MAPRE2: variants seen among roughly 807,000 people sequenced by gnomAD.
MAPRE2 encodes microtubule-associated protein RP/EB family member 2.
MAPRE2 carries 13 observed loss-of-function variants against 43.2 expected under a neutral mutation model. That is an observed-to-expected ratio of 0.30 (90% CI 0.20 to 0.48). The LOEUF (loss-of-function observed/expected upper bound fraction) is 0.48. Ranked by LOEUF, MAPRE2 falls within the 20% of genes least tolerant of loss-of-function variation. The probability of loss-of-function intolerance (pLI) is 0.99; values close to 1 mark genes in which losing one functional copy is unlikely to be tolerated. For synonymous variants in MAPRE2, 135 were observed against 148.8 expected, an observed-to-expected ratio of 0.91 and a Z score of 0.68; for missense variants, 161 against 400.2, an observed-to-expected ratio of 0.40 and a Z score of 5.10.
At chr18:34,985,339 ATATAT>A (rs1278262754) in intron 1 of MAPRE2, among the ~76,000 whole-genome samples, 1 of 45,174 alleles carries the variant, frequency 2.2e-5, no homozygotes, top group South Asian at 6.6e-4. Flanking sequence ...ATAATATATA[ATATAT>A]TATATTATAT....
At chr18:35,134,129 T>C (rs562378639) in intron 6 of MAPRE2, among the ~76,000 whole-genome samples, 1 of 152,222 alleles carries the variant, frequency 6.6e-6, no homozygotes, top group Non-Finnish European at 1.5e-5. Context: ...GCTTATTAGC[T>C]CCTATAATTC....
chr18:35,101,912 G>A (rs763229694), intron 3 of MAPRE2, 34 bp from the exon 4 acceptor site: 2 of 1,498,982 alleles, frequency 1.3e-6, no homozygotes, highest in Admixed American at 3.9e-5. Context: ...CCAAACGTGA[G>A]GTTTGTAACT....
At chr18:35,014,386 A>ATTTT (rs368732245) in intron 2 of MAPRE2, among the ~76,000 whole-genome samples, 19 of 139,696 alleles carry the variant, frequency 1.4e-4, no homozygotes, top group African/African-American at 4.5e-4. Context: ...GGGCAGGGTG[A>ATTTT]TTTTTTTTTT....
chr18:35,129,755 A>G (rs149783974), intron 5 of MAPRE2, among the ~76,000 whole-genome samples: 2,068 of 152,324 alleles, frequency 0.014, 25 homozygotes, highest in Non-Finnish European at 0.021. Flanking sequence ...CCTGCAGTCT[A>G]TGGCCACACT....
chr18:34,994,379 T>C (rs993069011), intron 1 of MAPRE2, among the ~76,000 whole-genome samples: 1 of 150,702 alleles, frequency 6.6e-6, no homozygotes, highest in Non-Finnish European at 1.5e-5. Flanking sequence ...AATAGTTTTG[T>C]TTTTTGGCTT....
At chr18:35,085,228 C>T (rs1907818274) in intron 2 of MAPRE2, among the ~76,000 whole-genome samples, 1 of 152,210 alleles carries the variant, frequency 6.6e-6, no homozygotes, top group Non-Finnish European at 1.5e-5. Context: ...TTTGCAGCCT[C>T]ACTTTCCTCT....
At chr18:34,979,814 T>C (rs1005734210) in intron 1 of MAPRE2, among the ~76,000 whole-genome samples, 7 of 152,134 alleles carry the variant, frequency 4.6e-5, no homozygotes, top group South Asian at 2.1e-4. Flanking sequence ...AAAACTGTCA[T>C]CCCAAAAGGA....
At chr18:35,093,005 A>G (rs575395435) in intron 2 of MAPRE2, among the ~76,000 whole-genome samples, 18 of 152,230 alleles carry the variant, frequency 1.2e-4, no homozygotes, top group African/African-American at 4.1e-4. Context: ...TGAGGTCGGT[A>G]GTTCAAGACC....
intron 2 of MAPRE2, among the ~76,000 whole-genome samples, chr18:35,020,069 T>C (rs2097040960): frequency 6.6e-6 from 1 of 152,122 alleles, no homozygotes; most frequent in Admixed American, 6.6e-5. Flanking sequence ...CAGCACCCCT[T>C]ACCTCAAATA....
At chr18:35,007,465 G>GC (rs2097032371) in intron 2 of MAPRE2, among the ~76,000 whole-genome samples, 1 of 152,156 alleles carries the variant, frequency 6.6e-6, no homozygotes, top group Admixed American at 6.5e-5. Context: ...AATATTTTTT[G>GC]CCTTGCTGGT....
chr18:35,058,081 G>C (rs1484153838), intron 1 of MAPRE2, among the ~76,000 whole-genome samples: 1 of 152,202 alleles, frequency 6.6e-6, no homozygotes. Flanking sequence ...AAGGAGTTAA[G>C]TTTAATGTTG....
chr18:35,082,999 A>G (rs1907714247), intron 2 of MAPRE2, among the ~76,000 whole-genome samples: 1 of 152,164 alleles, frequency 6.6e-6, no homozygotes, highest in Non-Finnish European at 1.5e-5. Context: ...ATATTCCTCA[A>G]TAAGTATTTG....
In MAPRE2 at chr18:35,133,359, C is replaced by T. The variant is rs1910247558; in HGVS notation, c.909+1169C>T. ...ATAATCCACCTGGTTTCCATGATGG[C>T]TTCATAAAATACGGTTCTCAGTATT... On this transcript the variant is annotated intron_variant, in intron 6 of 6. Transcript: ENST00000300249. Among the ~76,000 whole-genome samples the T allele has an allele frequency of 2.0e-5, 3 of 152,020 alleles. 1 individual carries two copies. Among genetic ancestry groups the T allele is most frequent in the Non-Finnish European group, 4.4e-5 (3 of 68,014 alleles).
chr18:35,082,894 G>A (rs1397701437), intron 2 of MAPRE2, among the ~76,000 whole-genome samples: 2 of 151,996 alleles, frequency 1.3e-5, no homozygotes, highest in Admixed American at 1.3e-4. Context: ...ATACAGTTTA[G>A]CACTTATAGT....
intron 2 of MAPRE2, among the ~76,000 whole-genome samples, chr18:35,020,224 A>G (rs2097041039): frequency 6.6e-6 from 1 of 152,162 alleles, no homozygotes; most frequent in East Asian, 1.9e-4. Flanking sequence ...AATACAGGTC[A>G]AGATAAGCCC....
chr18:35,139,056 C>G (rs1343767995), intron 6 of MAPRE2, among the ~76,000 whole-genome samples: 1 of 151,904 alleles, frequency 6.6e-6, no homozygotes, highest in African/African-American at 2.4e-5. Context: ...CCAAAAGGGT[C>G]AAGACAAGAT....
upstream of MAPRE2, chr18:35,041,369 C>T (rs1052297076): frequency 2.7e-6 from 4 of 1,456,396 alleles, no homozygotes; most frequent in Non-Finnish European, 3.6e-6. Context: ...CGTCAGCTGC[C>T]AGAGGGCGGG....
rs374989698 is a variant in MAPRE2, at chr18:35,132,047, C to T, written c.766C>T (p.Leu256Phe). The T allele has an allele frequency of 1.9e-6, 3 of 1,613,922 alleles. No homozygotes were observed. In the African/African-American group the frequency reaches 4.0e-5, roughly 22 times the overall value. ...QLNEQVHSLK[L>F]ALEGVEKERD... is the part of the protein sequence containing the mutation. The stretch of plus-strand genomic sequence containing the variant: ...TCCCTTGCAGGTACATTCATTAAAA[C>T]TTGCCCTTGAAGGCGTGGAAAAGGA... Residue 256 changes from leucine to phenylalanine, a missense_variant, in exon 6 of 7, where the codon CTT becomes TTT. Physicochemically the swap from Leu to Phe is conservative, Grantham distance 22. Coordinates refer to ENST00000300249, the MANE Select transcript of MAPRE2 (RefSeq NM_014268.4).
At chr18:35,131,568 T>G (rs1041960053) in intron 5 of MAPRE2, among the ~76,000 whole-genome samples, 1 of 152,148 alleles carries the variant, frequency 6.6e-6, no homozygotes, top group Non-Finnish European at 1.5e-5. Flanking sequence ...GCACTCATCC[T>G]ATTCATAAGG....
Sources: allele counts gnomAD v4.1 joint callset (sites outside exome capture counted in the v4.1 genomes callset), GRCh38; gene constraint gnomAD v4.1.1; transcripts MANE v1.5; gene names NCBI Gene and HGNC (gene_info 2026-07-23, HGNC 2026-07-21).